The following SORBS3 variants were observed in gnomAD, a reference collection of about 807,000 sequenced individuals.
SORBS3 encodes vinexin.
SORBS3 carries 69 observed loss-of-function variants against 98.0 expected under a neutral mutation model. That is an observed-to-expected ratio of 0.70 (90% CI 0.58 to 0.86). SORBS3 has a LOEUF of 0.86. SORBS3 is among the 40% of genes least tolerant of loss of function. The pLI is 0.00. For synonymous variants in SORBS3, 394 were observed against 355.4 expected, an observed-to-expected ratio of 1.11 and a Z score of -1.22; for missense variants, 954 against 908.5, an observed-to-expected ratio of 1.05 and a Z score of -0.64.
intron 5 of SORBS3, among the ~76,000 whole-genome samples, chr8:22,558,831 C>T (rs527849228): frequency 6.6e-6 from 1 of 152,328 alleles, no homozygotes; most frequent in South Asian, 2.1e-4. Context: ...TTGATCAGAC[C>T]ATGGAGGGAG....
chr8:22,564,180 G>C, intron 8 of SORBS3, 103 bp downstream of exon 8: 1 of 1,481,014 alleles, frequency 6.8e-7, no homozygotes. Context: ...GGAGGACACC[G>C]TGGGCCCAGG....
Position 22,565,279 on chromosome 8 carries a change from G to A in SORBS3, c.828G>A (p.Glu276=), listed in dbSNP as rs1427926508. ...CTCCCCGCCCCCAGGTGCTGCTGGA[G>A]AGAGAGCTGGCCGAGCTGAGCGCCG... The part of the protein sequence containing the change: ...KPSQPIEVLL[E]RELAELSAEL... Residue 276 remains glutamate (E), a synonymous_variant, in exon 11 of 21, where the codon GAG becomes GAA. Coordinates refer to ENST00000240123, the MANE Select transcript of SORBS3 (RefSeq NM_005775.5). 1 of 1,554,086 alleles carries A rather than the reference G, an allele frequency of 6.4e-7. No homozygotes were observed. Among genetic ancestry groups the A allele is most frequent in the Admixed American group, 1.9e-5 (1 of 51,546 alleles).
intron 17 of SORBS3, among the ~76,000 whole-genome samples, chr8:22,570,282 G>GC (rs898221561): frequency 1.2e-4 from 19 of 152,200 alleles, no homozygotes; most frequent in African/African-American, 4.1e-4. Context: ...AGGGCTGGAG[G>GC]CCACCCTCCC....
chr8:22,554,662 C>T lies in SORBS3; in HGVS notation c.102+54C>T, dbSNP rs1319405775. Reference sequence around the variant, plus strand: ...CCTGCGGGCCCGGAGTTGGTTGGGACGCTAGCAGGTCAGGTGGGGGCAGGA... The same window carrying T: ...CCTGCGGGCCCGGAGTTGGTTGGGATGCTAGCAGGTCAGGTGGGGGCAGGA... On this transcript the variant is annotated intron_variant, in intron 2 of 20. Coordinates refer to ENST00000240123, the MANE Select transcript of SORBS3 (RefSeq NM_005775.5). This position sits in a 1 kb window ranked among gnomAD's most constrained non-coding sequence, Gnocchi z 6.5. 15 of 1,542,964 alleles carry T rather than the reference C, an allele frequency of 9.7e-6. No individual in the cohort carries two copies. Among genetic ancestry groups the T allele is most frequent in the African/African-American group, 4.1e-5 (3 of 73,328 alleles).
upstream of SORBS3, chr8:22,551,849 C>A: frequency 3.0e-6 from 3 of 985,746 alleles, no homozygotes; most frequent in Non-Finnish European, 3.6e-6. This position sits in a 1 kb window ranked among gnomAD's most constrained non-coding sequence, Gnocchi z 5.8. Context: ...CCTCCCTCTT[C>A]CTGCGCCGGC....
In SORBS3 at chr8:22,572,401, G is replaced by T; in HGVS notation, c.1909G>T (p.Asp637Tyr). Residue 637 changes from aspartate to tyrosine, a missense_variant, in exon 20 of 21, where the codon GAC becomes TAC. By Grantham distance (160) the Asp-to-Tyr change is radical. Transcript: ENST00000240123. ...AGACGAGCTGGAGCTGCGCGAGGGG[G>T]ACAGGGTGGATGTCATGCAGCAGTG... The part of the protein sequence containing the change: ...NEDELELREG[D>Y]RVDVMQQCDD... 1 of 1,614,072 alleles carries T rather than the reference G, an allele frequency of 6.2e-7. No homozygotes were observed. Among genetic ancestry groups the T allele is most frequent in the Non-Finnish European group, 8.5e-7 (1 of 1,179,996 alleles).
intron 5 of SORBS3, among the ~76,000 whole-genome samples, chr8:22,560,380 AG>A (rs1345759309): frequency 1.3e-5 from 2 of 152,124 alleles, no homozygotes; most frequent in African/African-American, 4.8e-5. Flanking sequence ...AACAGACCCC[AG>A]GACTGAGCCC....
chr8:22,570,122 G>A (rs1415108333), intron 17 of SORBS3, among the ~76,000 whole-genome samples: 7 of 152,190 alleles, frequency 4.6e-5, no homozygotes, highest in African/African-American at 1.7e-4. Context: ...GTCTGCCTTT[G>A]GTTGATTTTG....
intron 5 of SORBS3, among the ~76,000 whole-genome samples, chr8:22,558,640 T>C (rs1187161877): frequency 2.0e-5 from 3 of 152,242 alleles, no homozygotes; most frequent in Non-Finnish European, 2.9e-5. Flanking sequence ...ATGTACCACA[T>C]GCTGAGCACT....
At chr8:22,570,833 T>G in intron 17 of SORBS3, 77 bp from the exon 18 acceptor site, 9 of 1,355,250 alleles carry the variant, frequency 6.6e-6, no homozygotes, top group South Asian at 1.3e-5. Flanking sequence ...TAGGGTTGAA[T>G]GAGACAGCCC....
chr8:22,548,787 C>T (rs753381991), upstream of SORBS3, among the ~76,000 whole-genome samples: 1 of 152,164 alleles, frequency 6.6e-6, no homozygotes, highest in Non-Finnish European at 1.5e-5. Flanking sequence ...CTTCCCTTTT[C>T]CCACTTGAGA....
intron 16 of SORBS3, among the ~76,000 whole-genome samples, chr8:22,568,614 A>G (rs974974262): frequency 5.3e-5 from 8 of 152,102 alleles, no homozygotes; most frequent in Non-Finnish European, 1.2e-4. Flanking sequence ...AGTCGTTTCT[A>G]TCTTTGTGTG....
chr8:22,574,402 G>A (rs554868784), intron 20 of SORBS3, among the ~76,000 whole-genome samples: 125 of 88,370 alleles, frequency 1.4e-3, no homozygotes, highest in African/African-American at 5.3e-3. Context: ...AGGAGGGGGG[G>A]AGTGACTCTG....
chr8:22,548,574 C>A (rs570700565), upstream of SORBS3, among the ~76,000 whole-genome samples: 1 of 152,244 alleles, frequency 6.6e-6, no homozygotes, highest in East Asian at 1.9e-4. Flanking sequence ...ACTCAAAGCA[C>A]CTGAAGTTCA....
Position 22,575,229 on chromosome 8 carries a change from G to A in SORBS3, c.*501G>A. 3.1e-6 allele frequency: 1 copy of A among 318,508 alleles called. No homozygotes were observed. Among genetic ancestry groups the A allele is most frequent in the South Asian group, 2.5e-5 (1 of 39,860 alleles). The allele number at this position is 318,508 out of a possible 1,614,324, so 19.7% of individuals were successfully genotyped here. ...CTGGCCTCCAGCTGGGTGTGGGGGG[G>A]CGGAGCAAGGCGGGGGACAGACGCA... is the stretch of plus-strand genomic sequence containing the variant. On this transcript the variant is annotated 3_prime_UTR_variant, in exon 21 of 21. Transcript: ENST00000240123.
rs1840349770 is a variant in SORBS3 at position 22,564,019 on chromosome 8, G to C, written c.617G>C (p.Arg206Thr). Reference protein sequence around the residue: ...RSWDHSEELPRSTFNYRPGAF... With the variant: ...RSWDHSEELPTSTFNYRPGAF... ...TGGGACCACTCTGAAGAGTTACCTA[G>C]AAGCACCTTCAACTACAGACCTGGA... Residue 206 changes from arginine (R) to threonine (T), a missense_variant, in exon 8 of 21, where the codon AGA becomes ACA. Coordinates refer to ENST00000240123, the MANE Select transcript of SORBS3 (RefSeq NM_005775.5). 2 of 1,613,906 alleles carry C rather than the reference G, an allele frequency of 1.2e-6. No individual in the cohort carries two copies. Among genetic ancestry groups the C allele is most frequent in the Non-Finnish European group, 1.7e-6 (2 of 1,180,034 alleles).
At chr8:22,553,965 G>A (rs775373116) in intron 1 of SORBS3, among the ~76,000 whole-genome samples, 6 of 152,242 alleles carry the variant, frequency 3.9e-5, no homozygotes, top group Non-Finnish European at 8.8e-5. Flanking sequence ...CTGGAGGGCA[G>A]TGGGCGGGTG....
chr8:22,571,060 C>T lies in SORBS3; in HGVS notation c.1582C>T (p.Pro528Ser). 6.2e-7 allele frequency: 1 copy of T among 1,613,042 alleles called. No homozygotes were observed. The highest frequency in any genetic ancestry group is 8.5e-7 in the Non-Finnish European group (1 of 1,179,812). ...LRLCDDGPQL[P>S]TSPRLTAAAR... is the part of the protein sequence containing the mutation. ...GCTCTGTGACGACGGCCCCCAGCTC[C>T]CCACGTCTCCCCGCCTGACCGCTGC... Residue 528 changes from proline to serine, a missense_variant, in exon 18 of 21, where the codon CCC (proline) becomes TCC (serine). By Grantham distance (74) the Pro-to-Ser change is moderately conservative (BLOSUM62 -1). Transcript: ENST00000240123.
At position 22,571,019 on chromosome 8, in the gene SORBS3, G is replaced by T; in HGVS notation, c.1541G>T (p.Arg514Leu). 6.2e-7 allele frequency: 1 copy of T among 1,613,616 alleles called. No homozygotes were observed. Among genetic ancestry groups the T allele is most frequent in the Admixed American group, 1.7e-5 (1 of 59,996 alleles). ...IFPASYVQVSREPRLRLCDDG... is the reference protein window; with the variant it reads ...IFPASYVQVSLEPRLRLCDDG... The stretch of plus-strand genomic sequence containing the variant: ...CCTGCCAGCTACGTGCAGGTGTCTC[G>T]TGAACCCCGGCTCCGGCTCTGTGAC... The change falls in exon 18 of 21, where the codon CGT (arginine) becomes CTT (leucine). Residue 514 changes from arginine to leucine, a missense_variant. Coordinates refer to ENST00000240123, the MANE Select transcript of SORBS3 (RefSeq NM_005775.5).
Sources: allele counts gnomAD v4.1 joint callset (sites outside exome capture counted in the v4.1 genomes callset), GRCh38; gene constraint gnomAD v4.1.1; non-coding constraint Gnocchi (gnomAD v3.1); transcripts MANE v1.5; gene names NCBI Gene and HGNC (gene_info 2026-07-23, HGNC 2026-07-21).